The following CD200R1L variants were observed in gnomAD, a reference collection of about 807,000 sequenced individuals.
CD200R1L encodes the protein cell surface glycoprotein CD200 receptor 2.
A neutral mutation model predicts 24.8 loss-of-function variants in CD200R1L; 14 were observed. The observed-to-expected ratio is 0.56, with a 90% CI of 0.37 to 0.88. The LOEUF (loss-of-function observed/expected upper bound fraction) is 0.88, where lower values mean the gene tolerates loss of function less well. Ranked by LOEUF, CD200R1L falls within the 40% of genes least tolerant of loss-of-function variation. The pLI, the probability that CD200R1L is intolerant of heterozygous loss-of-function variation, is 0.00. For missense variants in CD200R1L, 299 were observed against 297.8 expected, an observed-to-expected ratio of 1.00 and a Z score of -0.03; for synonymous variants, 111 against 109.2, an observed-to-expected ratio of 1.02 and a Z score of -0.11.
rs72950313 is a variant in CD200R1L at position 112,823,348 on chromosome 3, C to G, written c.617-3453G>C. Among the ~76,000 whole-genome samples, 1,194 of 152,338 alleles carry G rather than the reference C, an allele frequency of 7.8e-3. 17 individuals are homozygous for G. The highest frequency in any genetic ancestry group is 0.027 in the African/African-American group (1,131 of 41,572). On this transcript the variant is annotated intron_variant, in intron 6 of 7. Transcript: ENST00000488794. ...AAACCTGACAAGGGAATCATGGGAA[C>G]TCTCTGAATTTATAGCCAGTTGATT...
intron 3 of CD200R1L, among the ~76,000 whole-genome samples, chr3:112,834,291 T>A (rs1938880136): frequency 6.7e-6 from 1 of 148,258 alleles, no homozygotes; most frequent in Non-Finnish European, 1.5e-5. Flanking sequence ...AGGCTGTAGT[T>A]CAGTGGCATG....
intron 6 of CD200R1L, among the ~76,000 whole-genome samples, chr3:112,825,263 A>G (rs9288958): frequency 0.32 from 47,950 of 150,644 alleles, 8,677 homozygotes; most frequent in Non-Finnish European, 0.4. Flanking sequence ...AAAAAAAAAA[A>G]AAAAAGAAAT....
intron 4 of CD200R1L, among the ~76,000 whole-genome samples, chr3:112,828,351 T>C (rs945578076): frequency 6.6e-6 from 1 of 152,208 alleles, no homozygotes; most frequent in Admixed American, 6.5e-5. Context: ...CACAGATCTT[T>C]AAAAAATCTA....
rs764274560 is a variant in CD200R1L, at chr3:112,827,392, A to G, written c.342T>C (p.His114=). 6 of 1,613,848 alleles carry G rather than the reference A, an allele frequency of 3.7e-6. No individual in the cohort carries two copies. The African/African-American group carries it at 6.7e-5, about 18-fold the overall frequency. ...CTAACACTTGGAGGTGATATCCACG[A>G]TGGAAATTCCCATCAGGTGTTACCA... is the stretch of plus-strand genomic sequence containing the variant. ...GIVVTPDGNF[H]RGYHLQVLVT... is the part of the protein sequence containing the mutation. The change falls in exon 5 of 8, where the codon CAT becomes CAC. Residue 114 remains histidine (H), a synonymous_variant. Coordinates refer to ENST00000488794, the MANE Select transcript of CD200R1L (RefSeq NM_001199215.3).
chr3:112,838,833 A>C (rs938657843), intron 2 of CD200R1L, among the ~76,000 whole-genome samples: 1 of 152,200 alleles, frequency 6.6e-6, no homozygotes, highest in Admixed American at 6.5e-5. Flanking sequence ...TAAGTAAAGG[A>C]GATTATTCTC....
chr3:112,818,653 G>A (rs1459341759), intron 7 of CD200R1L: 1 of 153,956 alleles, frequency 6.5e-6, no homozygotes, highest in African/African-American at 2.4e-5. Flanking sequence ...AAGCTGTGAG[G>A]AAAGCACCAT....
chr3:112,819,982 AT>A, intron 6 of CD200R1L, 87 bp from the exon 7 acceptor site: 1 of 1,299,966 alleles, frequency 7.7e-7, no homozygotes, highest in Non-Finnish European at 1.0e-6. Flanking sequence ...ACATTTTAAA[AT>A]ATTCTTAAGA....
intron 3 of CD200R1L, among the ~76,000 whole-genome samples, chr3:112,837,293 A>G (rs1938972025): frequency 6.6e-6 from 1 of 152,166 alleles, no homozygotes; most frequent in South Asian, 2.1e-4. Flanking sequence ...CCATTAAAAA[A>G]ATCAGTTCTT....
At chr3:112,829,173 C>T (rs1369719539) in intron 4 of CD200R1L, 146 bp downstream of exon 4, 1 of 599,760 alleles carries the variant, frequency 1.7e-6, no homozygotes, top group Non-Finnish European at 3.0e-6. Context: ...CTGGGACATT[C>T]AGGGTCCTTC....
At chr3:112,827,274 A>G (rs200707844) in intron 5 of CD200R1L, 33 bp from the exon 6 acceptor site, 9 of 1,591,144 alleles carry the variant, frequency 5.7e-6, no homozygotes, top group South Asian at 2.3e-5. Flanking sequence ...AAAATGCTTC[A>G]GTTTTCACAT....
chr3:112,836,801 T>TG (rs1332742977), intron 3 of CD200R1L, among the ~76,000 whole-genome samples: 1 of 152,266 alleles, frequency 6.6e-6, no homozygotes, highest in Non-Finnish European at 1.5e-5. Context: ...GATATGCTGA[T>TG]ATGTGGAATC....
In CD200R1L at chr3:112,831,581, C is replaced by T. The variant is rs187647514; in HGVS notation, c.-17-2197G>A. Among the ~76,000 whole-genome samples, 56 of 152,234 alleles carry T rather than the reference C, an allele frequency of 3.7e-4. 1 individual carries two copies. The highest frequency in any genetic ancestry group is 3.4e-3 in the Admixed American group (52 of 15,282). Reference sequence around the variant, plus strand: ...TAGCTAAGGTAAAGTCATACTTGAGCGGCATGAGCCCCTAACGCAATACAA... The same window carrying T: ...TAGCTAAGGTAAAGTCATACTTGAGTGGCATGAGCCCCTAACGCAATACAA... On this transcript the variant is annotated intron_variant, in intron 3 of 7. Coordinates refer to ENST00000488794, the MANE Select transcript of CD200R1L (RefSeq NM_001199215.3).
At chr3:112,824,785 C>T (rs896243516) in intron 6 of CD200R1L, among the ~76,000 whole-genome samples, 1 of 152,194 alleles carries the variant, frequency 6.6e-6, no homozygotes, top group African/African-American at 2.4e-5. Context: ...ATGAAGCATT[C>T]TGTGAGCACA....
intron 2 of CD200R1L, among the ~76,000 whole-genome samples, chr3:112,845,259 C>T (rs1417336387): frequency 2.0e-5 from 3 of 152,178 alleles, no homozygotes; most frequent in East Asian, 3.8e-4. Flanking sequence ...TTATAAACAC[C>T]TCTATGCACA....
At chr3:112,817,255 T>C (rs1204520165) in intron 7 of CD200R1L, among the ~76,000 whole-genome samples, 1 of 152,096 alleles carries the variant, frequency 6.6e-6, no homozygotes, top group East Asian at 1.9e-4. Flanking sequence ...AGTTATTTTT[T>C]ACTTATGTTC....
intron 2 of CD200R1L, among the ~76,000 whole-genome samples, chr3:112,844,566 T>C (rs182147685): frequency 1.3e-5 from 2 of 152,348 alleles, no homozygotes; most frequent in African/African-American, 4.8e-5. Flanking sequence ...GAAAAGTTTA[T>C]AGTGCTAAAC....
intron 2 of CD200R1L, among the ~76,000 whole-genome samples, chr3:112,840,604 C>T (rs569093545): frequency 1.3e-5 from 2 of 152,276 alleles, no homozygotes; most frequent in South Asian, 4.1e-4. Context: ...CAGACCCAAA[C>T]TGTATCACTA....
chr3:112,822,908 CG>C (rs1446370589), intron 6 of CD200R1L, among the ~76,000 whole-genome samples: 1 of 152,172 alleles, frequency 6.6e-6, no homozygotes, highest in East Asian at 1.9e-4. Context: ...CCAGGGAAGA[CG>C]TATTCCCTCT....
intron 2 of CD200R1L, chr3:112,841,216 G>A: frequency 2.3e-6 from 1 of 427,012 alleles, no homozygotes; most frequent in South Asian, 1.8e-5. Context: ...CACAAGATCT[G>A]CTTGTTTAAA....
Sources: allele counts gnomAD v4.1 joint callset (sites outside exome capture counted in the v4.1 genomes callset), GRCh38; gene constraint gnomAD v4.1.1; transcripts MANE v1.5; gene names NCBI Gene and HGNC (gene_info 2026-07-23, HGNC 2026-07-21).